PVT1: variants seen among roughly 807,000 people sequenced by gnomAD.
PVT1 encodes Pvt1 oncogene, also known as CXCR4/PVT1 fusion.
intron 3 of PVT1, among the ~76,000 whole-genome samples, chr8:127,974,671 C>T (rs921085047): frequency 6.6e-6 from 1 of 152,160 alleles, no homozygotes; most frequent in Non-Finnish European, 1.5e-5. Context: ...CTGCCTCGGC[C>T]TCCCAAAGTG....
chr8:128,021,355 G>T (rs934673488), intron 4 of PVT1, among the ~76,000 whole-genome samples: 4 of 145,192 alleles, frequency 2.8e-5, no homozygotes, highest in East Asian at 2.0e-4. Context: ...GCACGGTGGC[G>T]CAATCTTGGC....
At chr8:127,997,054 T>TTG (rs1817114243) in intron 4 of PVT1, among the ~76,000 whole-genome samples, 1 of 133,558 alleles carries the variant, frequency 7.5e-6, no homozygotes, top group African/African-American at 2.8e-5. Context: ...GTTTTTTTTT[T>TTG]TTGTTTGTTT....
intron 3 of PVT1, among the ~76,000 whole-genome samples, chr8:127,893,625 C>T (rs545593590): frequency 2.0e-5 from 3 of 152,328 alleles, no homozygotes; most frequent in Admixed American, 6.5e-5. Flanking sequence ...TTTGGACAGC[C>T]CTGTCTGACT....
chr8:128,085,786 T>A (rs993775258), intron 5 of PVT1, among the ~76,000 whole-genome samples: 1 of 152,220 alleles, frequency 6.6e-6, no homozygotes, highest in South Asian at 2.1e-4. Context: ...AAGATGTATG[T>A]CTTAGCATCT....
chr8:128,047,952 T>C (rs1042926656), intron 4 of PVT1, among the ~76,000 whole-genome samples: 10 of 152,214 alleles, frequency 6.6e-5, no homozygotes, highest in African/African-American at 2.4e-4. Flanking sequence ...CTTGAAGCTA[T>C]ATTAACTACC....
chr8:127,911,958 G>A (rs539979091), intron 3 of PVT1, among the ~76,000 whole-genome samples: 1 of 152,338 alleles, frequency 6.6e-6, no homozygotes, highest in Admixed American at 6.5e-5. Context: ...GATAAAGAAT[G>A]GGTGTGGCTC....
chr8:128,018,321 A>T (rs963646124), intron 4 of PVT1, among the ~76,000 whole-genome samples: 2 of 152,202 alleles, frequency 1.3e-5, no homozygotes, highest in African/African-American at 4.8e-5. Context: ...TCTGTGCCAG[A>T]CACAGGCTGG....
intron 3 of PVT1, among the ~76,000 whole-genome samples, chr8:127,930,034 T>TC (rs985444013): frequency 1.3e-5 from 2 of 152,182 alleles, no homozygotes; most frequent in Non-Finnish European, 2.9e-5. Flanking sequence ...GGGCTTCAGG[T>TC]CCACTACTCC....
intron 4 of PVT1, among the ~76,000 whole-genome samples, chr8:128,040,264 C>T (rs1813514890): frequency 1.3e-5 from 2 of 152,334 alleles, no homozygotes. Flanking sequence ...GAATGGGCCT[C>T]ATCCAATAGT....
intron 2 of PVT1, chr8:127,803,372 G>T (rs903568717): frequency 1.3e-5 from 2 of 152,040 alleles, no homozygotes; most frequent in African/African-American, 4.8e-5. Flanking sequence ...CTCGTGATCC[G>T]CCCGCCTTGG....
intron 2 of PVT1, chr8:127,852,063 G>GTA (rs754849063): frequency 8.9e-4 from 135 of 152,356 alleles, no homozygotes; most frequent in African/African-American, 3.2e-3. Context: ...GTGACTCTGG[G>GTA]TAGCCCATAC....
chr8:127,988,052 G>A (rs546282961), intron 3 of PVT1, among the ~76,000 whole-genome samples: 5 of 152,332 alleles, frequency 3.3e-5, no homozygotes, highest in African/African-American at 9.6e-5. Flanking sequence ...ATCTGTCCGT[G>A]ATACCAACAC....
intron 5 of PVT1, among the ~76,000 whole-genome samples, chr8:128,094,989 A>G (rs549264962): frequency 1.2e-4 from 19 of 152,280 alleles, no homozygotes; most frequent in African/African-American, 4.3e-4. Flanking sequence ...AGCCCCGGAG[A>G]GCAACTTCTA....
In PVT1 at chr8:128,001,155, G is replaced by A. The variant is rs1177393087; in HGVS notation, n.912+11864G>A. Among the ~76,000 whole-genome samples, 3 of 152,164 alleles carry A rather than the reference G, an allele frequency of 2.0e-5. No homozygotes were observed. In the East Asian group the frequency reaches 5.8e-4, roughly 29 times the overall value. On this transcript the variant is annotated intron_variant and non_coding_transcript_variant, in intron 4 of 10. Coordinates refer to ENST00000651587, the Ensembl canonical transcript of PVT1. ...CCGCCTACCGCCCACCTGCAGGTCT[G>A]TGCCAGGAAGCCCTGCGTGCTGTCT...
At chr8:128,071,108 C>T (rs116889491) in intron 5 of PVT1, among the ~76,000 whole-genome samples, 78 of 152,302 alleles carry the variant, frequency 5.1e-4, no homozygotes, top group Middle Eastern at 3.4e-3. Context: ...ATTTTGGAAA[C>T]GGCAATTCTT....
At chr8:127,999,321 C>T (rs1240233850) in intron 4 of PVT1, 1 of 152,094 alleles carries the variant, frequency 6.6e-6, no homozygotes, top group Non-Finnish European at 1.5e-5. Context: ...TAAATAAATA[C>T]ATAAATAAAT....
At chr8:127,869,351 G>A (rs1049010169) in intron 2 of PVT1, among the ~76,000 whole-genome samples, 4 of 151,942 alleles carry the variant, frequency 2.6e-5, no homozygotes, top group African/African-American at 4.8e-5. Context: ...GGCTGGTCTC[G>A]AACTCCTGAC....
chr8:127,878,733 C>G (rs1416685536), intron 2 of PVT1, among the ~76,000 whole-genome samples: 1 of 152,240 alleles, frequency 6.6e-6, no homozygotes, highest in African/African-American at 2.4e-5. Context: ...TTTTAGGTGC[C>G]TGAGTCCTAA....
chr8:127,814,368 G>A (rs1814635756), intron 2 of PVT1, among the ~76,000 whole-genome samples: 1 of 152,220 alleles, frequency 6.6e-6, no homozygotes, highest in Admixed American at 6.5e-5. Context: ...GTCGGCTTGA[G>A]TGAGCCAGCC....
Sources: allele counts gnomAD v4.1 joint callset (sites outside exome capture counted in the v4.1 genomes callset), GRCh38; gene constraint gnomAD v4.1.1; transcripts MANE v1.5; gene names NCBI Gene and HGNC (gene_info 2026-07-23, HGNC 2026-07-21).